STAU2: variants seen among roughly 807,000 people sequenced by gnomAD.
The protein encoded by STAU2 is double-stranded RNA-binding protein Staufen homolog 2.
In STAU2, 20 loss-of-function variants were observed where a neutral mutation model predicts 65.9. That is an observed-to-expected ratio of 0.30 (90% CI 0.21 to 0.44). STAU2 has a LOEUF of 0.44. STAU2 is among the 20% of genes least tolerant of loss of function. The probability of loss-of-function intolerance (pLI) is 1.00; values close to 1 mark genes in which losing one functional copy is unlikely to be tolerated. For synonymous variants in STAU2, 232 were observed against 233.9 expected, an observed-to-expected ratio of 0.99 and a Z score of 0.07; for missense variants, 558 against 683.9, an observed-to-expected ratio of 0.82 and a Z score of 2.05.
chr8:73,733,278 C>T (rs1388665891), intron 3 of STAU2, among the ~76,000 whole-genome samples: 1 of 152,166 alleles, frequency 6.6e-6, no homozygotes, highest in Non-Finnish European at 1.5e-5. Flanking sequence ...ATACTACAAC[C>T]GCCTAATATA....
At chr8:73,577,731 T>C (rs889918373) in intron 12 of STAU2, among the ~76,000 whole-genome samples, 5 of 152,102 alleles carry the variant, frequency 3.3e-5, no homozygotes, top group African/African-American at 1.2e-4. Context: ...TCCCCAACAG[T>C]TGGAAGTATC....
At chr8:73,449,437 C>T (rs964781389) in intron 13 of STAU2, among the ~76,000 whole-genome samples, 2 of 152,206 alleles carry the variant, frequency 1.3e-5, no homozygotes, top group East Asian at 1.9e-4. Context: ...ATGATCTTAT[C>T]GCCACTTTAC....
chr8:73,433,956 G>A (rs962713121), intron 13 of STAU2, among the ~76,000 whole-genome samples: 2 of 151,800 alleles, frequency 1.3e-5, no homozygotes, highest in African/African-American at 4.9e-5. Flanking sequence ...AGATGCCCAC[G>A]TCCTAATCCT....
intron 3 of STAU2, among the ~76,000 whole-genome samples, chr8:73,728,648 T>C (rs535855188): frequency 3.9e-5 from 6 of 152,316 alleles, no homozygotes; most frequent in African/African-American, 9.6e-5. Context: ...TGCACAAGTC[T>C]TTCATAAGCA....
chr8:73,698,674 A>G (rs1242698168), intron 4 of STAU2, among the ~76,000 whole-genome samples: 1 of 152,206 alleles, frequency 6.6e-6, no homozygotes, highest in African/African-American at 2.4e-5. Flanking sequence ...TATTAGACCT[A>G]AAGAGAAAGA....
intron 5 of STAU2, among the ~76,000 whole-genome samples, chr8:73,674,661 T>C (rs951933895): frequency 2.0e-5 from 3 of 150,692 alleles, no homozygotes; most frequent in Non-Finnish European, 3.0e-5. Context: ...GTTAGTAATA[T>C]TGGCGTCCCT....
chr8:73,555,090 A>G (rs1807632640), intron 12 of STAU2, among the ~76,000 whole-genome samples: 1 of 152,234 alleles, frequency 6.6e-6, no homozygotes, highest in African/African-American at 2.4e-5. Context: ...ACGAAAATGG[A>G]TAATACAATG....
At position 73,481,512 on chromosome 8, in the gene STAU2, A is replaced by C. The variant is rs905916096; in HGVS notation, c.1531-58810T>G. 1.3e-3 allele frequency among the ~76,000 whole-genome samples: 115 copies of C among 89,140 alleles called. 2 individuals are homozygous for C. In the South Asian group the frequency reaches 0.046, roughly 36 times the overall value. 58.5% of individuals were successfully genotyped at this position (89,140 alleles called of 152,430 possible). The stretch of plus-strand genomic sequence containing the variant: ...GATCAAAATAAGCCAAAAAAACAAA[A>C]AAACAAAAAAAAAAAACACTTTTTT... On this transcript the variant is annotated intron_variant, in intron 13 of 14. Transcript: ENST00000524300.
chr8:73,464,829 C>T (rs1288863969), intron 13 of STAU2, among the ~76,000 whole-genome samples: 1 of 152,148 alleles, frequency 6.6e-6, no homozygotes, highest in Non-Finnish European at 1.5e-5. Context: ...ATATCACCAA[C>T]CTGCAAATAA....
At chr8:73,565,541 G>A (rs796872207) in intron 12 of STAU2, among the ~76,000 whole-genome samples, 9 of 152,242 alleles carry the variant, frequency 5.9e-5, no homozygotes, top group African/African-American at 1.9e-4. Context: ...GTATAAAAGT[G>A]TTCAGTGAGC....
intron 1 of STAU2, chr8:73,742,109 G>T: frequency 1.6e-6 from 1 of 642,944 alleles, no homozygotes; most frequent in Non-Finnish European, 1.9e-6. Flanking sequence ...ACAGTGGCAC[G>T]TCTTTAAGAC....
At chr8:73,572,147 T>C (rs1809147222) in intron 12 of STAU2, among the ~76,000 whole-genome samples, 1 of 152,170 alleles carries the variant, frequency 6.6e-6, no homozygotes, top group Non-Finnish European at 1.5e-5. Context: ...CTAGAAAATC[T>C]AGAAGAAATG....
chr8:73,703,048 T>C (rs905628387), intron 4 of STAU2, among the ~76,000 whole-genome samples: 2 of 152,170 alleles, frequency 1.3e-5, no homozygotes, highest in South Asian at 4.1e-4. Flanking sequence ...ACCAAAGAAA[T>C]AGAGAAAATA....
chr8:73,638,267 G>T (rs565689884), intron 6 of STAU2, among the ~76,000 whole-genome samples: 62 of 151,834 alleles, frequency 4.1e-4, no homozygotes, highest in African/African-American at 1.5e-3. Flanking sequence ...AAGGCTCTGA[G>T]AACTTCTACA....
intron 10 of STAU2, among the ~76,000 whole-genome samples, chr8:73,597,861 C>G (rs1811319883): frequency 1.3e-5 from 2 of 152,140 alleles, no homozygotes; most frequent in Admixed American, 1.3e-4. Context: ...AAAAAGGACT[C>G]TTCAGATCTT....
chr8:73,472,306 T>C (rs1820079144), intron 13 of STAU2, among the ~76,000 whole-genome samples: 1 of 152,152 alleles, frequency 6.6e-6, no homozygotes, highest in African/African-American at 2.4e-5. Flanking sequence ...CTGTGAATTA[T>C]ACATGGTAAC....
rs141972588 is a variant in STAU2 at position 73,643,323 on chromosome 8, A to G, written c.411-25872T>C. ...ATCCCATACATACAGTACTCCGTTA[A>G]GTATTACCACCCAGTCACATATTAC... On this transcript the variant is annotated intron_variant, in intron 6 of 14. Coordinates refer to ENST00000524300, the MANE Select transcript of STAU2 (RefSeq NM_001164380.2). Among the ~76,000 whole-genome samples, 48 of 152,336 alleles carry G rather than the reference A, an allele frequency of 3.2e-4. No homozygotes were observed. In the South Asian group the frequency reaches 9.1e-3, roughly 29 times the overall value.
chr8:73,480,679 T>C (rs16938678), intron 13 of STAU2, among the ~76,000 whole-genome samples: 16,600 of 152,148 alleles, frequency 0.11, 1,233 homozygotes, highest in African/African-American at 0.21. Flanking sequence ...GAGACTGTAA[T>C]TGCAAACTCA....
At chr8:73,705,258 T>G (rs1475033988) in intron 4 of STAU2, among the ~76,000 whole-genome samples, 1 of 152,164 alleles carries the variant, frequency 6.6e-6, no homozygotes, top group East Asian at 1.9e-4. Flanking sequence ...TTAAATTAGT[T>G]GTTCAAGGTC....
Sources: allele counts gnomAD v4.1 joint callset (sites outside exome capture counted in the v4.1 genomes callset), GRCh38; gene constraint gnomAD v4.1.1; transcripts MANE v1.5; gene names NCBI Gene and HGNC (gene_info 2026-07-23, HGNC 2026-07-21).